Variants in CLVS2 observed in about 807,000 individuals in gnomAD.
The protein encoded by CLVS2 is clavesin 2.
CLVS2 carries 19 observed loss-of-function variants against 29.0 expected under a neutral mutation model. That is an observed-to-expected ratio of 0.66 (90% CI 0.46 to 0.96). The LOEUF (loss-of-function observed/expected upper bound fraction) is 0.96. Among genes scored for constraint, CLVS2 ranks in the 40% least tolerant of loss-of-function variants. CLVS2 has a pLI of 0.00. For missense variants in CLVS2, 294 were observed against 404.1 expected, an observed-to-expected ratio of 0.73 and a Z score of 2.34; for synonymous variants, 161 against 151.3, an observed-to-expected ratio of 1.06 and a Z score of -0.47.
In CLVS2 at chr6:123,063,888, A is replaced by G; in HGVS notation, c.*127A>G. On this transcript the variant is annotated 3_prime_UTR_variant, in exon 6 of 6. Transcript: ENST00000275162. ...TCATGTTAATGTAGCATAATATATA[A>G]CAAGGCATCAGGCTTTCCTTGGCCT... The G allele has an allele frequency of 1.7e-6, 1 of 575,038 alleles. No individual in the cohort carries two copies. The highest frequency in any genetic ancestry group is 3.0e-6 in the Non-Finnish European group (1 of 331,010). The allele number at this position is 575,038 out of a possible 1,614,324, so 35.6% of individuals were successfully genotyped here.
intron 3 of CLVS2, among the ~76,000 whole-genome samples, chr6:123,033,440 G>A (rs1237290080): frequency 6.6e-6 from 1 of 152,002 alleles, no homozygotes; most frequent in Non-Finnish European, 1.5e-5. Flanking sequence ...TGAGAAAAGT[G>A]CAAAAGCAAT....
rs984125127 is a variant in CLVS2 at position 123,048,647 on chromosome 6, G to A, written c.590G>A (p.Gly197Glu). The A allele has an allele frequency of 6.2e-7, 1 of 1,612,960 alleles. No individual in the cohort carries two copies. Among genetic ancestry groups the A allele is most frequent in the Non-Finnish European group, 8.5e-7 (1 of 1,179,246 alleles). ...LQDSFPARFG[G>E]IHFVNQPWYI... is the part of the protein sequence containing the mutation. ...GATAGTTTCCCAGCGCGATTTGGAG[G>A]AATTCATTTTGTCAATCAACCATGG... The change falls in exon 4 of 6, where the codon GGA becomes GAA. Residue 197 changes from glycine to glutamate, a missense_variant. Gly to Glu is a moderately conservative substitution (Grantham distance 98). This residue lies in a region of CLVS2 where 212 missense variants were observed against 336.4 expected (regional missense o/e 0.63). Coordinates refer to ENST00000275162, the MANE Select transcript of CLVS2 (RefSeq NM_001010852.4).
chr6:123,030,315 T>C (rs1442716573), intron 3 of CLVS2, among the ~76,000 whole-genome samples: 1 of 152,176 alleles, frequency 6.6e-6, no homozygotes, highest in Non-Finnish European at 1.5e-5. Context: ...CTTGAATTCA[T>C]TGTGTAGTGT....
At chr6:123,035,838 AC>A in intron 3 of CLVS2, among the ~76,000 whole-genome samples, 1 of 152,160 alleles carries the variant, frequency 6.6e-6, no homozygotes, top group Non-Finnish European at 1.5e-5. Context: ...CATATACACA[AC>A]AACTGTTGGA....
intron 2 of CLVS2, among the ~76,000 whole-genome samples, chr6:123,001,987 T>A (rs1379140086): frequency 6.6e-6 from 1 of 152,214 alleles, no homozygotes; most frequent in Non-Finnish European, 1.5e-5. Context: ...TTTCTCTAGA[T>A]CTCATTAGAA....
chr6:123,024,610 T>C lies in CLVS2; in HGVS notation c.564+13451T>C, dbSNP rs562548768. ...AGGATTCTCTTCAGAGGCCATACCC[T>C]GGAGGGTTCAATATCTCAGGCATTT... On this transcript the variant is annotated intron_variant, in intron 3 of 5. Transcript: ENST00000275162. 7.9e-5 allele frequency among the ~76,000 whole-genome samples: 12 copies of C among 152,256 alleles called. No homozygotes were observed. In the South Asian group the frequency reaches 2.5e-3, roughly 32 times the overall value.
At chr6:123,022,236 A>G (rs1582650344) in intron 3 of CLVS2, among the ~76,000 whole-genome samples, 2 of 152,110 alleles carry the variant, frequency 1.3e-5, no homozygotes, top group African/African-American at 2.4e-5. Flanking sequence ...TGTACATTTT[A>G]TCTTCTAAAA....
chr6:123,063,943 A>T lies in CLVS2; in HGVS notation c.*182A>T, dbSNP rs1183096718. 2.2e-6 allele frequency: 1 copy of T among 454,198 alleles called. No individual in the cohort carries two copies. Among genetic ancestry groups the T allele is most frequent in the Non-Finnish European group, 3.9e-6 (1 of 254,646 alleles). 28.1% of individuals were successfully genotyped at this position (454,198 alleles called of 1,614,324 possible). A position where few individuals can be genotyped will look rare whatever the true frequency, so the allele number is the denominator to read the frequency against. On this transcript the variant is annotated 3_prime_UTR_variant, in exon 6 of 6. Transcript: ENST00000275162. The stretch of plus-strand genomic sequence containing the variant: ...CATGGGGGCCCTGGGCTGGATTTTT[A>T]AAATGTCAATAATTTATTCTGTAAG...
intron 3 of CLVS2, among the ~76,000 whole-genome samples, chr6:123,042,291 C>G (rs1775244468): frequency 6.6e-6 from 1 of 152,074 alleles, no homozygotes; most frequent in African/African-American, 2.4e-5. Flanking sequence ...TCTCTGATGG[C>G]AAACTCCTAA....
chr6:123,066,280 T>G lies in CLVS2; in HGVS notation c.*2519T>G, dbSNP rs1156625255. 6.6e-6 allele frequency: 1 copy of G among 151,754 alleles called. No individual in the cohort carries two copies. Among genetic ancestry groups the G allele is most frequent in the African/African-American group, 2.4e-5 (1 of 41,372 alleles). 9.4% of individuals were successfully genotyped at this position (151,754 alleles called of 1,614,324 possible). ...ATGTCTATGAATAACCTATACACTA[T>G]AGTTGTATGCCTATAAGCACTCCTA... On this transcript the variant is annotated 3_prime_UTR_variant, in exon 6 of 6. Transcript: ENST00000275162.
In CLVS2 at chr6:123,049,806, G is replaced by C. The variant is rs376845770; in HGVS notation, c.675+1074G>C. ...ACACACCGGGGCCTGTTGTGGGATG[G>C]GGGGCGGGGAGGAATAGCATTAGGA... On this transcript the variant is annotated intron_variant, in intron 4 of 5. Coordinates refer to ENST00000275162, the MANE Select transcript of CLVS2 (RefSeq NM_001010852.4). Among the ~76,000 whole-genome samples, 171 of 139,170 alleles carry C rather than the reference G, an allele frequency of 1.2e-3. 2 individuals carry two copies. Among genetic ancestry groups the C allele is most frequent in the African/African-American group, 5.0e-3 (159 of 32,048 alleles). The allele number at this position is 139,170 out of a possible 152,430, so 91.3% of individuals were successfully genotyped here. A position where few individuals can be genotyped will look rare whatever the true frequency, so the allele number is the denominator to read the frequency against.
intron 2 of CLVS2, among the ~76,000 whole-genome samples, chr6:123,008,461 T>TACTGG (rs777500358): frequency 5.9e-5 from 9 of 152,146 alleles, no homozygotes; most frequent in Non-Finnish European, 1.3e-4. Context: ...TTTCAGTCCT[T>TACTGG]ACTGGTACCT....
In CLVS2 at chr6:123,068,836, A is replaced by G. The variant is rs1370751753; in HGVS notation, c.*5075A>G. On this transcript the variant is annotated 3_prime_UTR_variant, in exon 6 of 6. Transcript: ENST00000275162. ...TAATATAATTTTTGGACAAGTATACATTTCTGTTTAAAAGAAATGTATGCT... is the reference window on the plus strand; with the variant it reads ...TAATATAATTTTTGGACAAGTATACGTTTCTGTTTAAAAGAAATGTATGCT... 2.6e-5 allele frequency: 4 copies of G among 151,700 alleles called. No individual in the cohort carries two copies. Among genetic ancestry groups the G allele is most frequent in the African/African-American group, 4.8e-5 (2 of 41,396 alleles). 9.4% of individuals were successfully genotyped at this position (151,700 alleles called of 1,614,324 possible). A position where few individuals can be genotyped will look rare whatever the true frequency, so the allele number is the denominator to read the frequency against.
chr6:123,002,157 G>A (rs942843292), intron 2 of CLVS2, among the ~76,000 whole-genome samples: 5 of 152,140 alleles, frequency 3.3e-5, no homozygotes, highest in Non-Finnish European at 7.3e-5. Flanking sequence ...AACAAACACA[G>A]TTAGAACCAA....
intron 3 of CLVS2, among the ~76,000 whole-genome samples, chr6:123,039,910 TCTATATTTACGGTA>T: frequency 6.6e-6 from 1 of 152,316 alleles, no homozygotes; most frequent in East Asian, 1.9e-4. Flanking sequence ...CTTTAAGTTG[TCTATATTTACGGTA>T]CTCAGGACTC....
chr6:123,055,948 A>T lies in CLVS2; in HGVS notation c.818A>T (p.Asp273Val). 6.2e-7 allele frequency: 1 copy of T among 1,614,106 alleles called. No homozygotes were observed. ...RTLLDHEYDD[D>V]SEYNVDSYSM... ...CTGCTAGACCATGAATATGACGATG[A>T]CAGCGAGTACAATGTAGACTCCTAC... Residue 273 changes from aspartate to valine, a missense_variant, in exon 5 of 6, where the codon GAC (aspartate) becomes GTC (valine). By Grantham distance (152) the Asp-to-Val change is radical (BLOSUM62 -3). Coordinates refer to ENST00000275162, the MANE Select transcript of CLVS2 (RefSeq NM_001010852.4).
rs1044271788 is a variant in CLVS2, at chr6:123,069,205, G to A, written c.*5444G>A. On this transcript the variant is annotated 3_prime_UTR_variant, in exon 6 of 6. Coordinates refer to ENST00000275162, the MANE Select transcript of CLVS2 (RefSeq NM_001010852.4). ...TTTTAATTACATATAGCAAAGGAATGATCAGTAAATAAAATAACTAGGGTT... is the reference window on the plus strand; with the variant it reads ...TTTTAATTACATATAGCAAAGGAATAATCAGTAAATAAAATAACTAGGGTT... 6.6e-6 allele frequency: 1 copy of A among 151,690 alleles called. No homozygotes were observed. 9.4% of individuals were successfully genotyped at this position (151,690 alleles called of 1,614,324 possible).
intron 3 of CLVS2, among the ~76,000 whole-genome samples, chr6:123,038,611 A>C (rs1215357115): frequency 2.0e-5 from 3 of 152,108 alleles, no homozygotes; most frequent in Non-Finnish European, 2.9e-5. Flanking sequence ...AATCAGGTTA[A>C]TATTTTGATG....
At chr6:123,037,418 G>C (rs932334607) in intron 3 of CLVS2, among the ~76,000 whole-genome samples, 1 of 152,102 alleles carries the variant, frequency 6.6e-6, no homozygotes, top group Admixed American at 6.6e-5. Context: ...AGTACTAACA[G>C]CTTTGACTTG....
Sources: gnomAD v4.1 joint callset for allele counts (sites outside exome capture counted in the v4.1 genomes callset) on GRCh38, gnomAD v4.1.1 for gene constraint, gnomAD v4.1.1 regional missense constraint, MANE v1.5 for transcripts, NCBI Gene and HGNC (gene_info 2026-07-23, HGNC 2026-07-21) for gene names.